The following TEX14 variants were observed in gnomAD, a reference collection of about 807,000 sequenced individuals.
TEX14 encodes inactive serine/threonine-protein kinase TEX14.
A neutral mutation model predicts 178.6 loss-of-function variants in TEX14; 168 were observed. That is an observed-to-expected ratio of 0.94 (90% CI 0.83 to 1.07). The LOEUF is 1.07. TEX14 is among the 50% of genes least tolerant of loss of function. The probability of loss-of-function intolerance (pLI) is 0.00; values close to 1 mark genes in which losing one functional copy is unlikely to be tolerated. For synonymous variants in TEX14, 626 were observed against 634.1 expected (o/e 0.99, Z 0.19); for missense variants, 1,730 against 1,753.6 (o/e 0.99, Z 0.24).
At chr17:58,674,761 G>A (rs906520054) in intron 1 of TEX14, among the ~76,000 whole-genome samples, 1 of 143,824 alleles carries the variant, frequency 7.0e-6, no homozygotes, top group Non-Finnish European at 1.5e-5. Flanking sequence ...GACATCAAAA[G>A]CACAAGTATA....
chr17:58,574,362 G>T, intron 21 of TEX14, 113 bp from the exon 22 acceptor site: 1 of 772,602 alleles, frequency 1.3e-6, no homozygotes, highest in Non-Finnish European at 2.2e-6. Context: ...AGAGGAAAGG[G>T]CACTAAGCTC....
intron 14 of TEX14, among the ~76,000 whole-genome samples, chr17:58,594,260 TATATGA>T (rs1313758543): frequency 7.9e-5 from 12 of 151,966 alleles, no homozygotes; most frequent in East Asian, 7.7e-4. Context: ...TTCCCCCTCC[TATATGA>T]ATATGAAGAC....
At chr17:58,597,689 A>AAAATTC (rs2045323164) in intron 14 of TEX14, among the ~76,000 whole-genome samples, 1 of 151,972 alleles carries the variant, frequency 6.6e-6, no homozygotes. Flanking sequence ...CTCTAAAATT[A>AAAATTC]TAAAATTCAA....
At chr17:58,582,482 C>T (rs1598356311) in intron 19 of TEX14, among the ~76,000 whole-genome samples, 1 of 151,982 alleles carries the variant, frequency 6.6e-6, no homozygotes, top group East Asian at 1.9e-4. Flanking sequence ...TGGTCTTGAA[C>T]TCCTGACTTC....
At chr17:58,604,893 C>T in intron 11 of TEX14, 85 bp downstream of exon 11, 1 of 1,461,358 alleles carries the variant, frequency 6.8e-7, no homozygotes, top group Non-Finnish European at 9.5e-7. Context: ...CTTCTATTTT[C>T]ATAAAAGTCA....
Position 58,587,910 on chromosome 17 carries a change from G to A in TEX14, c.2688C>T (p.His896=), listed in dbSNP as rs114637062. The A allele has an allele frequency of 7.3e-4, 1,139 of 1,568,474 alleles. 16 individuals are homozygous for A. The African/African-American group carries it at 0.013, about 18-fold the overall frequency. Residue 896 remains histidine, a synonymous_variant, in exon 16 of 32, where the codon CAC becomes CAT. Transcript: ENST00000349033. ...AGGATCCTTACCTGGTAGAGTCCCA[G>A]TGACAGCTGGGTGATGCAGAAGGTC... The part of the protein sequence containing the change: ...RQGPSASPSC[H]WDSTRMSVEP...
chr17:58,579,209 A>G (rs2044751543), intron 20 of TEX14, among the ~76,000 whole-genome samples: 1 of 152,252 alleles, frequency 6.6e-6, no homozygotes, highest in Admixed American at 6.5e-5. Context: ...TAAGATGCTA[A>G]GCAAGCAAAG....
chr17:58,603,342 G>A (rs1230092785), intron 11 of TEX14, among the ~76,000 whole-genome samples: 2 of 149,598 alleles, frequency 1.3e-5, no homozygotes, highest in African/African-American at 4.9e-5. Flanking sequence ...ATCACCTGAG[G>A]TCAGAGGTTG....
intron 15 of TEX14, among the ~76,000 whole-genome samples, chr17:58,591,795 C>G (rs1470147746): frequency 6.6e-6 from 1 of 151,230 alleles, no homozygotes; most frequent in East Asian, 1.9e-4. Flanking sequence ...TGGTGACTTA[C>G]ACCTATAATC....
intron 2 of TEX14, chr17:58,631,910 C>T (rs1327295333): frequency 1.3e-5 from 2 of 152,224 alleles, no homozygotes; most frequent in African/African-American, 4.8e-5. Flanking sequence ...ATTTCGTGAG[C>T]ACATTTTCCT....
chr17:58,685,781 CAGG>C (rs1345508811), intron 1 of TEX14, among the ~76,000 whole-genome samples: 2 of 151,396 alleles, frequency 1.3e-5, no homozygotes, highest in Non-Finnish European at 1.5e-5. Context: ...CACCTGAGGT[CAGG>C]AGTTCAAGAT....
chr17:58,653,624 T>A (rs1231612984), intron 1 of TEX14, among the ~76,000 whole-genome samples: 1 of 152,154 alleles, frequency 6.6e-6, no homozygotes, highest in Admixed American at 6.5e-5. Flanking sequence ...TGGGAGACGT[T>A]TGAGGTCTCT....
rs60626361 is a variant in TEX14, at chr17:58,656,925, CAAAAA to C, written c.-1-4928_-1-4924del. On this transcript the variant is annotated intron_variant, in intron 1 of 31. Transcript: ENST00000349033. ...GTGACTGAGCAAAACTCCCATCTCA[CAAAAA>C]AAAAAAAAAAAAAAAAAAAGAAAAA... 5.3e-3 allele frequency among the ~76,000 whole-genome samples: 423 copies of C among 79,506 alleles called. 1 individual carries two copies. Among genetic ancestry groups the C allele is most frequent in the African/African-American group, 0.017 (301 of 18,136 alleles). 52.2% of individuals were successfully genotyped at this position (79,506 alleles called of 152,430 possible).
intron 10 of TEX14, among the ~76,000 whole-genome samples, chr17:58,607,248 GCTGT>G (rs1285087046): frequency 6.6e-6 from 1 of 152,144 alleles, no homozygotes; most frequent in African/African-American, 2.4e-5. Context: ...GCAACGGCTT[GCTGT>G]CTAACATTTC....
At chr17:58,689,470 T>C (rs302876) in intron 1 of TEX14, among the ~76,000 whole-genome samples, 96,658 of 151,906 alleles carry the variant, frequency 0.64, 31,126 homozygotes, top group African/African-American at 0.71. Context: ...CCACCCGCCT[T>C]GGCCTCCCAA....
At chr17:58,630,599 C>T (rs1278633002) in intron 2 of TEX14, 45 bp from the exon 3 acceptor site, 1 of 1,402,548 alleles carries the variant, frequency 7.1e-7, no homozygotes, top group Admixed American at 1.7e-5. Context: ...AGAAAATTTC[C>T]TGAGAAGGAA....
At chr17:58,611,576 C>T (rs1035671885) in intron 9 of TEX14, among the ~76,000 whole-genome samples, 1 of 152,142 alleles carries the variant, frequency 6.6e-6, no homozygotes, top group African/African-American at 2.4e-5. Flanking sequence ...CTTCATACCA[C>T]AAAAAATGAA....
chr17:58,637,602 G>A (rs971657394), intron 2 of TEX14, among the ~76,000 whole-genome samples: 4 of 152,206 alleles, frequency 2.6e-5, no homozygotes, highest in African/African-American at 9.6e-5. Context: ...ACATGGAGAG[G>A]TTCCTGGAGG....
chr17:58,613,940 T>C (rs2144522985), intron 8 of TEX14, among the ~76,000 whole-genome samples: 1 of 152,222 alleles, frequency 6.6e-6, no homozygotes, highest in South Asian at 2.1e-4. Context: ...GTGCTGGGAT[T>C]ACAGGCGTGA....
Sources: allele counts gnomAD v4.1 joint callset (sites outside exome capture counted in the v4.1 genomes callset), GRCh38; gene constraint gnomAD v4.1.1; transcripts MANE v1.5; gene names NCBI Gene and HGNC (gene_info 2026-07-23, HGNC 2026-07-21).